Variants in MINDY4 observed in about 807,000 individuals in gnomAD.
MINDY4 encodes MINDY lysine 48 deubiquitinase 4, also known as probable ubiquitin carboxyl-terminal hydrolase MINDY-4.
Under a neutral mutation model 87.0 loss-of-function variants are expected in MINDY4, and 68 were observed. The ratio of observed to expected loss-of-function variants is 0.78; its 90% CI spans 0.64 to 0.96. The LOEUF (loss-of-function observed/expected upper bound fraction) is 0.96, where lower values mean the gene tolerates loss of function less well. MINDY4 is among the 40% of genes least tolerant of loss of function. MINDY4 has a pLI of 0.00. For missense variants in MINDY4, 919 were observed against 928.2 expected (o/e 0.99, Z 0.13); for synonymous variants, 379 against 363.2 (o/e 1.04, Z -0.50).
At chr7:30,806,496 A>C (rs1787808998) in intron 5 of MINDY4, among the ~76,000 whole-genome samples, 1 of 150,828 alleles carries the variant, frequency 6.6e-6, no homozygotes, top group South Asian at 2.1e-4. Flanking sequence ...AAAAAAAAAA[A>C]CAGATGGATA....
At chr7:30,884,189 C>T (rs934903420) in intron 17 of MINDY4, among the ~76,000 whole-genome samples, 2 of 152,106 alleles carry the variant, frequency 1.3e-5, no homozygotes, top group Admixed American at 6.5e-5. Context: ...GGAAAGCGAG[C>T]CCTTGAGAGG....
chr7:30,819,287 A>T (rs1788252262), intron 5 of MINDY4, among the ~76,000 whole-genome samples: 1 of 152,196 alleles, frequency 6.6e-6, no homozygotes, highest in Non-Finnish European at 1.5e-5. Flanking sequence ...TTATTTCTTT[A>T]AAATTTTCTA....
At chr7:30,790,515 C>T (rs189383061) in intron 4 of MINDY4, among the ~76,000 whole-genome samples, 38 of 149,938 alleles carry the variant, frequency 2.5e-4, no homozygotes, top group South Asian at 4.3e-4. Context: ...AGTGTGATCT[C>T]GGCTCACTGC....
At chr7:30,795,929 G>C (rs911600169) in intron 5 of MINDY4, among the ~76,000 whole-genome samples, 2 of 152,094 alleles carry the variant, frequency 1.3e-5, no homozygotes, top group African/African-American at 2.4e-5. Context: ...GGACCCACCT[G>C]GTTGATCCAG....
chr7:30,865,302 A>G (rs947083231), intron 13 of MINDY4, among the ~76,000 whole-genome samples: 1 of 152,234 alleles, frequency 6.6e-6, no homozygotes, highest in Non-Finnish European at 1.5e-5. Context: ...GAGAAGAGGA[A>G]CTTCCTCAAT....
intron 5 of MINDY4, among the ~76,000 whole-genome samples, chr7:30,809,144 C>T (rs902873659): frequency 6.6e-6 from 1 of 151,924 alleles, no homozygotes; most frequent in African/African-American, 2.4e-5. Context: ...TCTCCATAAC[C>T]CTATAACACT....
chr7:30,882,451 AC>A, intron 16 of MINDY4, 90 bp downstream of exon 16: 1 of 1,080,508 alleles, frequency 9.3e-7, no homozygotes, highest in Non-Finnish European at 1.2e-6. Context: ...TCCACCACCA[AC>A]CCCCATGACA....
At chr7:30,845,187 G>T (rs1165581108) in intron 9 of MINDY4, among the ~76,000 whole-genome samples, 2 of 152,136 alleles carry the variant, frequency 1.3e-5, no homozygotes, top group Non-Finnish European at 2.9e-5. Flanking sequence ...GACTCCTAGG[G>T]ACCAAGGGGT....
At chr7:30,792,825 A>G (rs1004076514) in intron 5 of MINDY4, among the ~76,000 whole-genome samples, 1 of 151,886 alleles carries the variant, frequency 6.6e-6, no homozygotes, top group African/African-American at 2.4e-5. Flanking sequence ...TTTGTTTTCT[A>G]TTTCATTGAC....
chr7:30,802,312 C>A (rs1787678692), intron 5 of MINDY4, among the ~76,000 whole-genome samples: 2 of 151,996 alleles, frequency 1.3e-5, no homozygotes, highest in Non-Finnish European at 2.9e-5. Context: ...GCAGGCTGGA[C>A]ACCTGCATTA....
In MINDY4 at chr7:30,836,701, G is replaced by T. The variant is rs141888334; in HGVS notation, c.1176G>T (p.Ser392=). ...TGATAAGGGAAGAGGTCATCCTGTC[G>T]CCAGTCCCATCAGTGCTCAAGTTGC... ...DELIREEVIL[S]PVPSVLKLQT... The change falls in exon 7 of 18, where the codon TCG becomes TCT. Residue 392 remains serine (S), a synonymous_variant. Coordinates refer to ENST00000265299, the MANE Select transcript of MINDY4 (RefSeq NM_032222.3). 3 of 1,614,030 alleles carry T rather than the reference G, an allele frequency of 1.9e-6. No homozygotes were observed. The African/African-American group carries it at 4.0e-5, about 22-fold the overall frequency.
At chr7:30,870,300 G>A (rs1214775131) in intron 13 of MINDY4, among the ~76,000 whole-genome samples, 1 of 152,148 alleles carries the variant, frequency 6.6e-6, no homozygotes, top group African/African-American at 2.4e-5. Flanking sequence ...ATGCTTATCG[G>A]CCCCCCCTCA....
At chr7:30,790,205 G>A (rs1787279249) in intron 4 of MINDY4, among the ~76,000 whole-genome samples, 1 of 152,154 alleles carries the variant, frequency 6.6e-6, no homozygotes, top group Non-Finnish European at 1.5e-5. Context: ...AAACCTTTGG[G>A]CTGGATGTCT....
At chr7:30,870,990 C>T (rs1454418931) in intron 13 of MINDY4, among the ~76,000 whole-genome samples, 1 of 150,946 alleles carries the variant, frequency 6.6e-6, no homozygotes, top group Non-Finnish European at 1.5e-5. Flanking sequence ...AATGTGTGCC[C>T]CCCAGGGTCC....
chr7:30,785,731 A>G lies in MINDY4; in HGVS notation c.420-18A>G, dbSNP rs1787143022. Reference sequence around the variant, plus strand: ...CTTTTGGGGAGTCTGTTTTAATGGAAATATTCCTTTTTCACAGACATGACA... The same window carrying G: ...CTTTTGGGGAGTCTGTTTTAATGGAGATATTCCTTTTTCACAGACATGACA... On this transcript the variant is annotated intron_variant, in intron 3 of 17. Transcript: ENST00000265299. 3.1e-6 allele frequency: 5 copies of G among 1,613,752 alleles called. No individual in the cohort carries two copies. Among genetic ancestry groups the G allele is most frequent in the Middle Eastern group, 1.7e-4 (1 of 6,052 alleles).
At chr7:30,841,668 T>C (rs1426164085) in intron 9 of MINDY4, among the ~76,000 whole-genome samples, 1 of 152,180 alleles carries the variant, frequency 6.6e-6, no homozygotes, top group Non-Finnish European at 1.5e-5. Flanking sequence ...ATATAACATA[T>C]ACACAGTAGT....
chr7:30,799,129 CCT>C (rs1291641681), intron 5 of MINDY4, among the ~76,000 whole-genome samples: 6 of 152,100 alleles, frequency 3.9e-5, no homozygotes, highest in Non-Finnish European at 5.9e-5. Context: ...GACCTCCAGG[CCT>C]CTCTGGGCCT....
At chr7:30,790,495 G>GA (rs1787289318) in intron 4 of MINDY4, among the ~76,000 whole-genome samples, 1 of 152,146 alleles carries the variant, frequency 6.6e-6, no homozygotes, top group Admixed American at 6.5e-5. Flanking sequence ...GGCCCAGGCT[G>GA]GAGTACAGTA....
At chr7:30,857,409 G>A (rs1789607772) in intron 12 of MINDY4, among the ~76,000 whole-genome samples, 1 of 132,598 alleles carries the variant, frequency 7.5e-6, no homozygotes, top group South Asian at 2.4e-4. Flanking sequence ...GGTGCTTATT[G>A]TTTTTTCTTC....
Sources: gnomAD v4.1 joint callset for allele counts (sites outside exome capture counted in the v4.1 genomes callset) on GRCh38, gnomAD v4.1.1 for gene constraint, MANE v1.5 for transcripts, NCBI Gene and HGNC (gene_info 2026-07-23, HGNC 2026-07-21) for gene names.